The following KRABD5 variants were observed in gnomAD, a reference collection of about 807,000 sequenced individuals.
KRABD5 encodes the protein KRAB domain containing 5, also known as KRAB domain-containing protein 5.
the KRABD5 span, among the ~76,000 whole-genome samples, chr16:31,752,145 A>G: frequency 6.6e-6 from 1 of 151,990 alleles, no homozygotes; most frequent in African/African-American, 2.4e-5. Flanking sequence ...TTTTCTTTTT[A>G]ATTTATTGAG....
chr16:31,754,639 G>T, the KRABD5 span: 1 of 463,932 alleles, frequency 2.2e-6, no homozygotes, highest in South Asian at 1.5e-5. Context: ...AATGTAATAA[G>T]TGTATAGAAA....
chr16:31,749,578 C>T, the KRABD5 span, among the ~76,000 whole-genome samples: 1 of 152,194 alleles, frequency 6.6e-6, no homozygotes, highest in South Asian at 2.1e-4. Flanking sequence ...GACTCAGTGG[C>T]ATGAGTTCAC....
At chr16:31,759,220 G>A in the KRABD5 span, 1 of 925,438 alleles carries the variant, frequency 1.1e-6, no homozygotes, top group Middle Eastern at 3.2e-4. Context: ...TGAACTAATT[G>A]TATAGCTTTT....
the KRABD5 span, among the ~76,000 whole-genome samples, chr16:31,730,405 T>TA: frequency 2.6e-5 from 4 of 152,128 alleles, no homozygotes; most frequent in Non-Finnish European, 5.9e-5. Context: ...AGGTTTCTGC[T>TA]AAAAAATCTA....
chr16:31,739,434 C>A, the KRABD5 span, among the ~76,000 whole-genome samples: 1 of 152,006 alleles, frequency 6.6e-6, no homozygotes, highest in Admixed American at 6.6e-5. Context: ...TAGGAATGGG[C>A]CTTGCATATG....
chr16:31,723,258 G>A, the KRABD5 span: 26 of 1,612,784 alleles, frequency 1.6e-5, no homozygotes, highest in Non-Finnish European at 2.1e-5. Flanking sequence ...AATAAAACAG[G>A]TCTCGCTGTC....
the KRABD5 span, chr16:31,756,643 G>A: frequency 6.6e-6 from 1 of 152,048 alleles, no homozygotes; most frequent in Admixed American, 6.6e-5. Flanking sequence ...TACTATGACA[G>A]TTATAATAAA....
At chr16:31,713,821 C>G in the KRABD5 span, among the ~76,000 whole-genome samples, 1 of 152,148 alleles carries the variant, frequency 6.6e-6, no homozygotes, top group African/African-American at 2.4e-5. Flanking sequence ...GGGGAGTCAC[C>G]CTTAAAGCGT....
chr16:31,758,938 C>G, the KRABD5 span: 1 of 154,174 alleles, frequency 6.5e-6, no homozygotes. Context: ...AAATTTATAA[C>G]ACATGGAATA....
chr16:31,753,681 G>A, the KRABD5 span: 11 of 1,260,516 alleles, frequency 8.7e-6, no homozygotes, highest in Admixed American at 3.0e-5. Context: ...TGTTCTCAAC[G>A]TGATATAATT....
the KRABD5 span, chr16:31,755,170 G>GTAGGTTAACTGATGT: frequency 2.1e-6 from 1 of 479,114 alleles, no homozygotes; most frequent in Non-Finnish European, 4.2e-6. Context: ...ACTGTAGGTC[G>GTAGGTTAACTGATGT]TACCTAACTA....
the KRABD5 span, among the ~76,000 whole-genome samples, chr16:31,714,195 C>A: frequency 6.6e-6 from 1 of 152,128 alleles, no homozygotes; most frequent in Non-Finnish European, 1.5e-5. Flanking sequence ...TAGAAGTGTT[C>A]ACATATACTA....
chr16:31,733,654 T>C, the KRABD5 span: 1 of 455,666 alleles, frequency 2.2e-6, no homozygotes, highest in Non-Finnish European at 4.4e-6. Context: ...AGTGTCTCTT[T>C]CTTTTTGACT....
the KRABD5 span, among the ~76,000 whole-genome samples, chr16:31,721,267 G>A: frequency 2.0e-5 from 3 of 151,976 alleles, no homozygotes; most frequent in African/African-American, 7.2e-5. Flanking sequence ...TGTATGTATA[G>A]TTACCATTTC....
At chr16:31,741,056 T>A in the KRABD5 span, among the ~76,000 whole-genome samples, 2 of 152,204 alleles carry the variant, frequency 1.3e-5, no homozygotes, top group East Asian at 3.9e-4. Flanking sequence ...TTCCCACTTA[T>A]AAGAACATGG....
At chr16:31,738,489 A>G in the KRABD5 span, among the ~76,000 whole-genome samples, 1 of 152,116 alleles carries the variant, frequency 6.6e-6, no homozygotes, top group Non-Finnish European at 1.5e-5. Context: ...TTGATGTAAC[A>G]TGTATTTTAA....
chr16:31,727,445 G>A, the KRABD5 span, among the ~76,000 whole-genome samples: 1 of 152,222 alleles, frequency 6.6e-6, no homozygotes, highest in East Asian at 1.9e-4. Flanking sequence ...GTGGAGCGAG[G>A]CTACCCTGTA....
chr16:31,730,361 T>G, the KRABD5 span, among the ~76,000 whole-genome samples: 1 of 152,120 alleles, frequency 6.6e-6, no homozygotes, highest in Non-Finnish European at 1.5e-5. Context: ...TTTCAGCACT[T>G]TTAATATATG....
the KRABD5 span, chr16:31,759,134 T>C: frequency 2.4e-6 from 1 of 418,542 alleles, no homozygotes; most frequent in Non-Finnish European, 4.5e-6. Flanking sequence ...AAATATTTAT[T>C]TGCACAATAT....
Sources: gnomAD v4.1 joint callset for allele counts (sites outside exome capture counted in the v4.1 genomes callset) on GRCh38, gnomAD v4.1.1 for gene constraint, MANE v1.5 for transcripts, NCBI Gene and HGNC (gene_info 2026-07-23, HGNC 2026-07-21) for gene names.